CPQ: variants seen among roughly 807,000 people sequenced by gnomAD.
CPQ encodes the protein carboxypeptidase Q.
Under a neutral mutation model 45.7 loss-of-function variants are expected in CPQ, and 37 were observed. The observed-to-expected ratio is 0.81, with a 90% CI of 0.62 to 1.07. The LOEUF is 1.07. Ranked by LOEUF, CPQ falls within the 50% of genes least tolerant of loss-of-function variation. The pLI is 0.00. For synonymous variants in CPQ, 186 were observed against 205.8 expected (o/e 0.90, Z 0.82); for missense variants, 537 against 572.9 (o/e 0.94, Z 0.64).
intron 4 of CPQ, among the ~76,000 whole-genome samples, chr8:96,906,338 A>G (rs1016383385): frequency 6.6e-6 from 1 of 152,212 alleles, no homozygotes; most frequent in Admixed American, 6.5e-5. Flanking sequence ...AAACTGGATA[A>G]AAGAGGTAAT....
At chr8:96,864,072 C>A (rs545268700) in intron 3 of CPQ, among the ~76,000 whole-genome samples, 1 of 152,148 alleles carries the variant, frequency 6.6e-6, no homozygotes, top group South Asian at 2.1e-4. Context: ...ACACACCAGA[C>A]ATTTACGGAA....
intron 6 of CPQ, among the ~76,000 whole-genome samples, chr8:97,040,861 G>A (rs1810108438): frequency 6.6e-6 from 1 of 152,214 alleles, no homozygotes; most frequent in Non-Finnish European, 1.5e-5. Flanking sequence ...TTTGGTACCA[G>A]TACCATGCTG....
chr8:96,805,602 T>C (rs1021653848), intron 2 of CPQ, among the ~76,000 whole-genome samples: 9 of 152,184 alleles, frequency 5.9e-5, no homozygotes, highest in African/African-American at 2.2e-4. Flanking sequence ...TTCATGTATG[T>C]AATGTTTGCT....
At chr8:96,891,738 A>C (rs1043212339) in intron 4 of CPQ, among the ~76,000 whole-genome samples, 2 of 152,180 alleles carry the variant, frequency 1.3e-5, no homozygotes, top group African/African-American at 4.8e-5. Context: ...AATATTGTCA[A>C]ATTGCCCTCA....
At chr8:96,791,542 C>T (rs1460562894) in intron 2 of CPQ, among the ~76,000 whole-genome samples, 1 of 152,112 alleles carries the variant, frequency 6.6e-6, no homozygotes, top group Non-Finnish European at 1.5e-5. Flanking sequence ...TTTTACTCAC[C>T]GGAATCTATT....
At chr8:96,840,477 A>G (rs755861386) in intron 3 of CPQ, among the ~76,000 whole-genome samples, 3 of 152,210 alleles carry the variant, frequency 2.0e-5, no homozygotes, top group Non-Finnish European at 2.9e-5. Context: ...ATTGATGTGC[A>G]AATTATTAGG....
chr8:97,029,885 A>G (rs894802742), intron 6 of CPQ, among the ~76,000 whole-genome samples: 1 of 152,160 alleles, frequency 6.6e-6, no homozygotes, highest in Non-Finnish European at 1.5e-5. Context: ...TTGGCATTTG[A>G]GAGCCAGGTT....
intron 6 of CPQ, among the ~76,000 whole-genome samples, chr8:97,058,446 C>T (rs992249345): frequency 1.3e-5 from 2 of 152,066 alleles, no homozygotes; most frequent in East Asian, 1.9e-4. Context: ...AAACAAGAAA[C>T]ACATCTTTAT....
At chr8:97,059,703 C>G (rs1810515084) in intron 6 of CPQ, among the ~76,000 whole-genome samples, 1 of 152,162 alleles carries the variant, frequency 6.6e-6, no homozygotes, top group Non-Finnish European at 1.5e-5. Context: ...GGGTCACTGG[C>G]AGAACTGCAA....
chr8:96,885,719 G>T (rs573226132), intron 4 of CPQ, among the ~76,000 whole-genome samples: 2 of 152,330 alleles, frequency 1.3e-5, no homozygotes, highest in South Asian at 4.1e-4. Flanking sequence ...CAATAGGCCA[G>T]GCGTGGTGGC....
chr8:96,767,235 G>T lies in CPQ; in HGVS notation c.-34-17629G>T, dbSNP rs143299096. On this transcript the variant is annotated intron_variant, in intron 1 of 7. Transcript: ENST00000220763. The stretch of plus-strand genomic sequence containing the variant: ...CGGTCCTTCACAGATTTAGTAGATC[G>T]CAAGGCAATTATGGGCTGATTATTC... Among the ~76,000 whole-genome samples the T allele has an allele frequency of 4.0e-3, 616 of 152,252 alleles. 7 individuals are homozygous for T. Among genetic ancestry groups the T allele is most frequent in the African/African-American group, 0.014 (586 of 41,530 alleles).
intron 5 of CPQ, among the ~76,000 whole-genome samples, chr8:97,010,267 G>T (rs760593857): frequency 6.6e-6 from 1 of 152,132 alleles, no homozygotes; most frequent in East Asian, 1.9e-4. Context: ...TGGTCTCAAC[G>T]TAAGGGGGTC....
chr8:96,785,858 C>T (rs1441519427), intron 2 of CPQ, among the ~76,000 whole-genome samples: 1 of 152,072 alleles, frequency 6.6e-6, no homozygotes, highest in African/African-American at 2.4e-5. Context: ...ACAGTAAATG[C>T]CCAGATCAGG....
intron 4 of CPQ, among the ~76,000 whole-genome samples, chr8:96,896,470 A>G (rs886514290): frequency 6.6e-5 from 10 of 152,082 alleles, no homozygotes; most frequent in African/African-American, 2.4e-4. Context: ...TGCCTTCCTC[A>G]TACTGACCCC....
chr8:96,949,676 T>A (rs1468473813), intron 4 of CPQ, among the ~76,000 whole-genome samples: 1 of 152,142 alleles, frequency 6.6e-6, no homozygotes, highest in Non-Finnish European at 1.5e-5. Context: ...AGTTGTAGTT[T>A]TGTTTTTAGC....
intron 7 of CPQ, among the ~76,000 whole-genome samples, chr8:97,121,587 C>A (rs538478369): frequency 1.3e-5 from 2 of 152,094 alleles, no homozygotes; most frequent in Non-Finnish European, 2.9e-5. Flanking sequence ...GACAGACACT[C>A]AACATGTAAA....
chr8:96,899,927 C>T (rs1451179802), intron 4 of CPQ, among the ~76,000 whole-genome samples: 1 of 152,112 alleles, frequency 6.6e-6, no homozygotes, highest in Non-Finnish European at 1.5e-5. Flanking sequence ...TTTCTTCTAT[C>T]GTCTAGGGAC....
At chr8:97,122,955 A>ATTAAAT (rs1563586820) in intron 7 of CPQ, among the ~76,000 whole-genome samples, 2 of 88,378 alleles carry the variant, frequency 2.3e-5, no homozygotes, top group Non-Finnish European at 3.8e-5. Context: ...ATAAAATAAA[A>ATTAAAT]TAAAATAAAA....
At chr8:96,914,057 T>C (rs2130906389) in intron 4 of CPQ, among the ~76,000 whole-genome samples, 1 of 152,328 alleles carries the variant, frequency 6.6e-6, no homozygotes, top group South Asian at 2.1e-4. Context: ...TTGTCATTTT[T>C]TTCAGTAGAC....
Sources: allele counts gnomAD v4.1 joint callset (sites outside exome capture counted in the v4.1 genomes callset), GRCh38; gene constraint gnomAD v4.1.1; transcripts MANE v1.5; gene names NCBI Gene and HGNC (gene_info 2026-07-23, HGNC 2026-07-21).